The following ENTPD1 variants were observed in gnomAD, a reference collection of about 807,000 sequenced individuals.
The protein encoded by ENTPD1 is ectonucleoside triphosphate diphosphohydrolase 1.
Under a neutral mutation model 57.0 loss-of-function variants are expected in ENTPD1, and 33 were observed. That is an observed-to-expected ratio of 0.58 (90% CI 0.44 to 0.77). ENTPD1 has a LOEUF of 0.77. Ranked by LOEUF, ENTPD1 falls within the 30% of genes least tolerant of loss-of-function variation. The pLI is 0.00. For missense variants in ENTPD1, 501 were observed against 603.4 expected (o/e 0.83, Z 1.78); for synonymous variants, 202 against 218.8 (o/e 0.92, Z 0.68).
Position 95,792,230 on chromosome 10 carries a change from C to T in ENTPD1, c.17-31007C>T, listed in dbSNP as rs558583739. On this transcript the variant is annotated intron_variant, in intron 1 of 9. Transcript: ENST00000371205. ...CTTTCAGTGTTAAAACCAGGACAAT[C>T]CCAGGCAAACTGGGATGGTTGGTCA... Among the ~76,000 whole-genome samples the T allele has an allele frequency of 2.7e-4, 41 of 152,252 alleles. 1 individual carries two copies. In the South Asian group the frequency reaches 8.3e-3, roughly 31 times the overall value.
chr10:95,788,615 CAAAAAAAAAG>C (rs1414428122), intron 1 of ENTPD1, among the ~76,000 whole-genome samples: 1 of 118,128 alleles, frequency 8.5e-6, no homozygotes, highest in African/African-American at 3.2e-5. Flanking sequence ...AGACTCTGTC[CAAAAAAAAAG>C]AAAAAAAAGA....
chr10:95,764,037 G>A (rs1308238244), intron 1 of ENTPD1, among the ~76,000 whole-genome samples: 3 of 152,104 alleles, frequency 2.0e-5, no homozygotes, highest in Non-Finnish European at 4.4e-5. Flanking sequence ...ACTTAAAGTC[G>A]ACAATTCAGT....
upstream of ENTPD1, among the ~76,000 whole-genome samples, chr10:95,709,527 G>A (rs1449871888): frequency 6.6e-6 from 1 of 152,062 alleles, no homozygotes; most frequent in Non-Finnish European, 1.5e-5. Context: ...GGGATTACAG[G>A]TGCCTGCCAC....
intron 1 of ENTPD1, among the ~76,000 whole-genome samples, chr10:95,794,585 G>A (rs1437819902): frequency 1.3e-5 from 2 of 152,176 alleles, no homozygotes; most frequent in African/African-American, 4.8e-5. Context: ...TGAACCTAAT[G>A]TATATATCCG....
At chr10:95,740,714 G>A (rs1406772957) in intron 1 of ENTPD1, among the ~76,000 whole-genome samples, 8 of 152,080 alleles carry the variant, frequency 5.3e-5, no homozygotes, top group African/African-American at 1.9e-4. Context: ...AATGATCTTA[G>A]CATGATCTTC....
At chr10:95,818,078 TA>T (rs1296947095) in intron 1 of ENTPD1, among the ~76,000 whole-genome samples, 1 of 152,164 alleles carries the variant, frequency 6.6e-6, no homozygotes, top group Non-Finnish European at 1.5e-5. Flanking sequence ...TTGTAGAGTA[TA>T]GGGGGAGCAT....
upstream of ENTPD1, chr10:95,755,707 G>A: frequency 6.5e-7 from 1 of 1,537,274 alleles, no homozygotes; most frequent in East Asian, 2.4e-5. Context: ...CATGGGACCA[G>A]AGGCTTTATG....
Position 95,845,300 on chromosome 10 carries a change from C to G in ENTPD1, c.574-57C>G, listed in dbSNP as rs7074403. ...AGGAAATCCCTGACTCCAATAGATA[C>G]TATGAAAAGCAGGGTGTCCAGAGAC... On this transcript the variant is annotated intron_variant, in intron 5 of 9. Coordinates refer to ENST00000371205, the MANE Select transcript of ENTPD1 (RefSeq NM_001776.6). The G allele has an allele frequency of 0.54, 875,030 of 1,611,766 alleles. 240,938 individuals are homozygous for G. Among genetic ancestry groups the G allele is most frequent in the Admixed American group, 0.68 (40,801 of 60,002 alleles).
chr10:95,753,271 C>T (rs1187688855), upstream of ENTPD1: 1 of 152,034 alleles, frequency 6.6e-6, no homozygotes, highest in Non-Finnish European at 1.5e-5. Context: ...ACACAAACTC[C>T]CATCTCTTTT....
At chr10:95,726,220 C>A (rs988018115) in intron 1 of ENTPD1, among the ~76,000 whole-genome samples, 1 of 152,148 alleles carries the variant, frequency 6.6e-6, no homozygotes, top group Non-Finnish European at 1.5e-5. Context: ...GATCACTTTA[C>A]CCTCTTCTAT....
intron 2 of ENTPD1, among the ~76,000 whole-genome samples, chr10:95,829,330 G>T (rs927036783): frequency 7.2e-5 from 11 of 152,196 alleles, no homozygotes; most frequent in African/African-American, 2.2e-4. Context: ...TGTCTGCCCT[G>T]GGGATTTATC....
chr10:95,866,574 G>A lies in ENTPD1; in HGVS notation c.*191G>A. 1 of 1,448,272 alleles carries A rather than the reference G, an allele frequency of 6.9e-7. No individual in the cohort carries two copies. The highest frequency in any genetic ancestry group is 1.4e-5 in the South Asian group (1 of 70,288). The allele number at this position is 1,448,272 out of a possible 1,614,324, so 89.7% of individuals were successfully genotyped here. ...AATATCCTTTGCCTCAAGGACTTCGGCAGATACTGTCTCTTTCATGAGTTT... is the reference window on the plus strand; with the variant it reads ...AATATCCTTTGCCTCAAGGACTTCGACAGATACTGTCTCTTTCATGAGTTT... On this transcript the variant is annotated 3_prime_UTR_variant, in exon 10 of 10. Coordinates refer to ENST00000371205, the MANE Select transcript of ENTPD1 (RefSeq NM_001776.6).
In ENTPD1 at chr10:95,870,397, G is replaced by A; in HGVS notation, c.*4014G>A. 8.0e-6 allele frequency: 6 copies of A among 752,474 alleles called. No homozygotes were observed. The highest frequency in any genetic ancestry group is 9.7e-6 in the Non-Finnish European group (6 of 617,566). 46.6% of individuals were successfully genotyped at this position (752,474 alleles called of 1,614,324 possible). Reference sequence around the variant, plus strand: ...CCTCCCAAGCTCAAGCAAGGCTACAGGTGTGCACCTAAGTAGCTAGGACTA... The same window carrying A: ...CCTCCCAAGCTCAAGCAAGGCTACAAGTGTGCACCTAAGTAGCTAGGACTA... On this transcript the variant is annotated 3_prime_UTR_variant, in exon 10 of 10. Coordinates refer to ENST00000371205, the MANE Select transcript of ENTPD1 (RefSeq NM_001776.6).
chr10:95,771,533 G>T (rs1474674192), intron 1 of ENTPD1, among the ~76,000 whole-genome samples: 1 of 152,084 alleles, frequency 6.6e-6, no homozygotes. Flanking sequence ...TTTTGAAAGA[G>T]CCCCTCTCCT....
In ENTPD1 at chr10:95,869,117, GA is replaced by G. The variant is rs1233124161; in HGVS notation, c.*2735del. ...CATTCTCCCCTGGATTTTCACCCAG[GA>G]CTCAAAACTTGGTTCTGCTAACCCT... On this transcript the variant is annotated 3_prime_UTR_variant, in exon 10 of 10. Transcript: ENST00000371205. 1.0e-6 allele frequency: 1 copy of G among 984,964 alleles called. No homozygotes were observed. Among genetic ancestry groups the G allele is most frequent in the Non-Finnish European group, 1.2e-6 (1 of 829,914 alleles). 61.0% of individuals were successfully genotyped at this position (984,964 alleles called of 1,614,324 possible).
At chr10:95,784,153 T>C (rs1385251480) in intron 1 of ENTPD1, among the ~76,000 whole-genome samples, 1 of 149,084 alleles carries the variant, frequency 6.7e-6, no homozygotes. Context: ...AATTTGACCA[T>C]TTGCCAAATT....
At chr10:95,808,766 C>T (rs1442176921) in intron 1 of ENTPD1, among the ~76,000 whole-genome samples, 4 of 148,592 alleles carry the variant, frequency 2.7e-5, no homozygotes, top group East Asian at 1.9e-4. Context: ...GGGTGTTTCT[C>T]GGAGAGGGGG....
At chr10:95,857,545 C>A (rs1227310480) in intron 7 of ENTPD1, among the ~76,000 whole-genome samples, 3 of 152,144 alleles carry the variant, frequency 2.0e-5, no homozygotes, top group Non-Finnish European at 4.4e-5. Flanking sequence ...CTCACCCCAC[C>A]ATCAGTTCAC....
At chr10:95,753,307 A>T (rs1263910921), upstream of ENTPD1, 1 of 152,242 alleles carries the variant, frequency 6.6e-6, no homozygotes, top group African/African-American at 2.4e-5. Context: ...TGAATTGGTG[A>T]TAATATATAC....
Sources: allele counts gnomAD v4.1 joint callset (sites outside exome capture counted in the v4.1 genomes callset), GRCh38; gene constraint gnomAD v4.1.1; transcripts MANE v1.5; gene names NCBI Gene and HGNC (gene_info 2026-07-23, HGNC 2026-07-21).